The following AK9 variants were observed in gnomAD, a reference collection of about 807,000 sequenced individuals.
AK9 encodes the protein adenylate kinase 9.
A neutral mutation model predicts 239.6 loss-of-function variants in AK9; 191 were observed. The observed-to-expected ratio is 0.80, with a 90% CI of 0.71 to 0.90. The LOEUF is 0.90. Ranked by LOEUF, AK9 falls within the 40% of genes least tolerant of loss-of-function variation. The pLI is 0.00. For missense variants in AK9, 1,995 were observed against 2,214.7 expected (o/e 0.90, Z 1.99); for synonymous variants, 689 against 721.0 (o/e 0.96, Z 0.71).
intron 29 of AK9, among the ~76,000 whole-genome samples, chr6:109,523,742 A>C (rs1780119290): frequency 6.6e-6 from 1 of 152,152 alleles, no homozygotes. Context: ...CCAGAGAAGG[A>C]AATACCAAAG....
intron 15 of AK9, among the ~76,000 whole-genome samples, chr6:109,613,895 A>G (rs1190879782): frequency 6.6e-6 from 1 of 152,132 alleles, no homozygotes; most frequent in Non-Finnish European, 1.5e-5. Flanking sequence ...AGCTTTTAAA[A>G]AGAATTTATG....
chr6:109,691,083 G>A (rs1265146983), intron 1 of AK9, 64 bp downstream of exon 1: 1 of 377,044 alleles, frequency 2.7e-6, no homozygotes, highest in East Asian at 4.9e-5. Flanking sequence ...AGAGAGGGAG[G>A]AGATAAATAG....
intron 1 of AK9, among the ~76,000 whole-genome samples, chr6:109,678,799 A>C (rs1454161802): frequency 6.6e-6 from 1 of 152,124 alleles, no homozygotes; most frequent in Admixed American, 6.5e-5. Context: ...GATGCAGCTC[A>C]TGGAGGGTAA....
In AK9 at chr6:109,632,973, A is replaced by T; in HGVS notation, c.1204T>A (p.Ser402Thr). ...CKVFILGPQY[S>T]GKTTLCNMLA... The stretch of plus-strand genomic sequence containing the variant: ...ATATTGCAAAGTGTTGTTTTCCCTG[A>T]ATATTGAGGTCCAAGTATGAATACT... Residue 402 changes from serine (S) to threonine (T), a missense_variant, in exon 12 of 41, where the codon TCA (serine) becomes ACA (threonine). This residue lies in a region of AK9 where 1,290 missense variants were observed against 1,392.7 expected (regional missense o/e 0.93). Coordinates refer to ENST00000424296, the MANE Select transcript of AK9 (RefSeq NM_001145128.3). 6.2e-7 allele frequency: 1 copy of T among 1,613,282 alleles called. No homozygotes were observed. Among genetic ancestry groups the T allele is most frequent in the South Asian group, 1.1e-5 (1 of 90,912 alleles).
Position 109,497,827 on chromosome 6 carries a change from AGTAGCCCT to A in AK9, c.5177_5184del (p.Gln1726LeufsTer6). 6.2e-7 allele frequency: 1 copy of A among 1,613,728 alleles called. No individual in the cohort carries two copies. The highest frequency in any genetic ancestry group is 8.5e-7 in the Non-Finnish European group (1 of 1,179,672). On this transcript the variant is annotated frameshift_variant, in exon 37 of 41. Transcript: ENST00000424296. LOFTEE classifies it high-confidence loss of function. ...TTTCCATCCTTATAGGTCACTGGAC[AGTAGCCCT>A]GGAGCTCCGCACACTTAGGGAATCG...
At chr6:109,675,918 T>TAA in intron 1 of AK9, among the ~76,000 whole-genome samples, 162 bp from the exon 2 acceptor site, 1 of 152,256 alleles carries the variant, frequency 6.6e-6, no homozygotes, top group East Asian at 1.9e-4. Context: ...AACTCATTTA[T>TAA]AAAAACAATA....
chr6:109,503,069 A>G (rs1777755481), intron 35 of AK9, among the ~76,000 whole-genome samples: 2 of 151,990 alleles, frequency 1.3e-5, no homozygotes, highest in South Asian at 4.1e-4. Context: ...TCTGTTGCTT[A>G]TGACACAGAT....
In AK9 at chr6:109,614,865, C is replaced by T. The variant is rs568582885; in HGVS notation, c.1400-385G>A. Among the ~76,000 whole-genome samples, 8 of 152,210 alleles carry T rather than the reference C, an allele frequency of 5.3e-5. No homozygotes were observed. In the East Asian group the frequency reaches 1.3e-3, roughly 26 times the overall value. On this transcript the variant is annotated intron_variant, in intron 13 of 40. Coordinates refer to ENST00000424296, the MANE Select transcript of AK9 (RefSeq NM_001145128.3). The stretch of plus-strand genomic sequence containing the variant: ...CTTAAAAATATATTGAGGCAAACTT[C>T]AACAGCAAAAAATTCCAATTTAAAA...
At chr6:109,575,434 T>C (rs559046130) in intron 20 of AK9, among the ~76,000 whole-genome samples, 1 of 152,338 alleles carries the variant, frequency 6.6e-6, no homozygotes, top group Non-Finnish European at 1.5e-5. Context: ...TAATTAGTGA[T>C]GTTGAGCATT....
Position 109,671,903 on chromosome 6 carries a change from A to G in AK9, c.331+16T>C. On this transcript the variant is annotated intron_variant, in intron 5 of 40. Transcript: ENST00000424296. Reference sequence around the variant, plus strand: ...AGGCTGCTTTGTGGGCTGTAAATATATTAAAATAAACATACCAAAGTGACA... The same window carrying G: ...AGGCTGCTTTGTGGGCTGTAAATATGTTAAAATAAACATACCAAAGTGACA... 1.2e-6 allele frequency: 2 copies of G among 1,608,498 alleles called. No individual in the cohort carries two copies. Among genetic ancestry groups the G allele is most frequent in the East Asian group, 2.2e-5 (1 of 44,822 alleles).
chr6:109,686,020 C>T (rs1485855150), intron 1 of AK9, among the ~76,000 whole-genome samples: 5 of 152,124 alleles, frequency 3.3e-5, no homozygotes, highest in African/African-American at 9.7e-5. Flanking sequence ...GTATTTTTTA[C>T]GCAGCTGATG....
At chr6:109,679,226 G>GCACC (rs1772241504) in intron 1 of AK9, among the ~76,000 whole-genome samples, 1 of 152,202 alleles carries the variant, frequency 6.6e-6, no homozygotes, top group Admixed American at 6.5e-5. Context: ...CTCGCTGCCA[G>GCACC]CACCGCAGTC....
At chr6:109,575,530 AT>A (rs756231478) in intron 20 of AK9, among the ~76,000 whole-genome samples, 18 of 150,436 alleles carry the variant, frequency 1.2e-4, no homozygotes, top group South Asian at 2.1e-4. Context: ...TGGGATTATT[AT>A]TTTTTTTTCT....
chr6:109,602,026 T>A (rs1378794785), intron 17 of AK9, among the ~76,000 whole-genome samples: 2 of 152,216 alleles, frequency 1.3e-5, no homozygotes, highest in African/African-American at 4.8e-5. Flanking sequence ...TGACTCTTTA[T>A]CCAATTTGCC....
intron 12 of AK9, among the ~76,000 whole-genome samples, chr6:109,631,423 T>C (rs952768908): frequency 6.6e-6 from 1 of 152,172 alleles, no homozygotes; most frequent in East Asian, 1.9e-4. Flanking sequence ...AGTAAACAGA[T>C]GAAAGAGGTT....
chr6:109,661,445 T>TGG (rs5879035), intron 6 of AK9, among the ~76,000 whole-genome samples: 1 of 152,088 alleles, frequency 6.6e-6, no homozygotes, highest in African/African-American at 2.4e-5. Context: ...AGTAAGCATT[T>TGG]GGGGTCTTCT....
intron 12 of AK9, among the ~76,000 whole-genome samples, chr6:109,630,515 G>A (rs895763062): frequency 5.3e-5 from 8 of 152,158 alleles, no homozygotes; most frequent in Admixed American, 2.6e-4. Flanking sequence ...TTAAGTCAAT[G>A]TAGTATTGGC....
At chr6:109,537,215 C>T (rs1301146835) in intron 27 of AK9, among the ~76,000 whole-genome samples, 1 of 152,098 alleles carries the variant, frequency 6.6e-6, no homozygotes, top group Non-Finnish European at 1.5e-5. Context: ...TAGAATTTGG[C>T]TGTGAATCCG....
intron 29 of AK9, among the ~76,000 whole-genome samples, chr6:109,519,357 G>T (rs923357546): frequency 6.6e-6 from 1 of 152,074 alleles, no homozygotes; most frequent in African/African-American, 2.4e-5. Flanking sequence ...TGGGTCGAAT[G>T]GTATTTCTGT....
Sources: allele counts gnomAD v4.1 joint callset (sites outside exome capture counted in the v4.1 genomes callset), GRCh38; gene constraint gnomAD v4.1.1; regional missense constraint gnomAD v4.1.1; transcripts MANE v1.5; gene names NCBI Gene and HGNC (gene_info 2026-07-23, HGNC 2026-07-21).